Variants in FOCAD observed in about 807,000 individuals in gnomAD.
FOCAD encodes KIAA1797.
A neutral mutation model predicts 225.6 loss-of-function variants in FOCAD; 198 were observed. The observed-to-expected ratio is 0.88, with a 90% CI of 0.78 to 0.99. FOCAD has a LOEUF of 0.99. FOCAD is among the 50% of genes least tolerant of loss of function. The pLI is 0.00. For missense variants in FOCAD, 2,713 were observed against 2,123.6 expected (o/e 1.28, Z -5.46); for synonymous variants, 897 against 755.0 (o/e 1.19, Z -3.08).
chr9:20,862,533 G>A, intron 15 of FOCAD, 45 bp from the exon 16 acceptor site: 2 of 1,598,144 alleles, frequency 1.3e-6, no homozygotes, highest in South Asian at 1.1e-5. Context: ...GCTTCATATA[G>A]GTTGGAGTCT....
chr9:20,917,046 T>C, intron 24 of FOCAD, 109 bp downstream of exon 24: 2 of 796,646 alleles, frequency 2.5e-6, no homozygotes, highest in Non-Finnish European at 3.9e-6. Flanking sequence ...GATTTTAGAG[T>C]ACTTTTCAAT....
At chr9:20,738,324 A>G (rs949588903) in intron 4 of FOCAD, among the ~76,000 whole-genome samples, 1 of 152,216 alleles carries the variant, frequency 6.6e-6, no homozygotes, top group African/African-American at 2.4e-5. Flanking sequence ...GTTTACAAAA[A>G]GATTTCCATT....
chr9:20,971,485 GC>G (rs1839760555), intron 35 of FOCAD, among the ~76,000 whole-genome samples: 1 of 151,526 alleles, frequency 6.6e-6, no homozygotes, highest in Non-Finnish European at 1.5e-5. Context: ...TGTTGCTTAG[GC>G]TGGAGTACAA....
At chr9:20,670,904 G>C (rs1316899493) in intron 2 of FOCAD, among the ~76,000 whole-genome samples, 9 of 152,112 alleles carry the variant, frequency 5.9e-5, no homozygotes, top group Admixed American at 5.2e-4. Context: ...CATTAACTGA[G>C]TTGTACCTCT....
intron 26 of FOCAD, among the ~76,000 whole-genome samples, chr9:20,927,470 G>T (rs372302166): frequency 5.9e-5 from 9 of 151,338 alleles, no homozygotes; most frequent in African/African-American, 2.2e-4. Flanking sequence ...TATACTTTAT[G>T]TAAAAAGTTT....
chr9:20,910,044 A>G (rs1246179517), intron 22 of FOCAD, among the ~76,000 whole-genome samples: 1 of 152,088 alleles, frequency 6.6e-6, no homozygotes, highest in Admixed American at 6.6e-5. Flanking sequence ...TGAGATCTGA[A>G]CACTACTTGT....
intron 35 of FOCAD, among the ~76,000 whole-genome samples, chr9:20,958,565 A>C (rs755775196): frequency 3.9e-5 from 6 of 152,070 alleles, no homozygotes; most frequent in Non-Finnish European, 8.8e-5. Flanking sequence ...CCTCCTAGCT[A>C]CTTGAAACTA....
intron 43 of FOCAD, among the ~76,000 whole-genome samples, chr9:20,995,282 A>G (rs1358316169): frequency 7.2e-5 from 11 of 152,092 alleles, no homozygotes; most frequent in Admixed American, 7.2e-4. Context: ...ATCAAGGAAA[A>G]AAACATCACC....
intron 4 of FOCAD, 26 bp from the exon 5 acceptor site, chr9:20,740,210 A>G (rs776619793): frequency 1.4e-6 from 2 of 1,393,262 alleles, no homozygotes; most frequent in African/African-American, 1.4e-5. Flanking sequence ...TATCTATAAC[A>G]TTTAACATGC....
At chr9:20,815,281 G>A (rs1723126676) in intron 11 of FOCAD, among the ~76,000 whole-genome samples, 1 of 148,822 alleles carries the variant, frequency 6.7e-6, no homozygotes, top group Admixed American at 6.7e-5. Flanking sequence ...TTACAGGCAT[G>A]CACCACCATA....
At chr9:20,884,238 A>G (rs1024901907) in intron 20 of FOCAD, among the ~76,000 whole-genome samples, 2 of 152,204 alleles carry the variant, frequency 1.3e-5, no homozygotes, top group Non-Finnish European at 2.9e-5. Context: ...TAAATTGTAA[A>G]TAATATTTTA....
chr9:20,839,397 T>C (rs1826294782), intron 15 of FOCAD, among the ~76,000 whole-genome samples: 1 of 151,912 alleles, frequency 6.6e-6, no homozygotes, highest in South Asian at 2.1e-4. Context: ...TAGCTGGGAC[T>C]ACAGGTGTGC....
chr9:20,878,865 T>A (rs971038261), intron 19 of FOCAD, among the ~76,000 whole-genome samples: 4 of 152,164 alleles, frequency 2.6e-5, no homozygotes, highest in Non-Finnish European at 4.4e-5. Flanking sequence ...CCCAGGGGGC[T>A]GCTGGTGAAA....
At chr9:20,862,950 C>T (rs1243341269) in intron 16 of FOCAD, 1 of 317,738 alleles carries the variant, frequency 3.1e-6, no homozygotes, top group Non-Finnish European at 5.7e-6. Flanking sequence ...ATTTTAAAGT[C>T]AATATTGTAA....
Position 20,866,975 on chromosome 9 carries a change from G to A in FOCAD, c.2153G>A (p.Ser718Asn). 1.4e-6 allele frequency: 2 copies of A among 1,428,276 alleles called. No individual in the cohort carries two copies. Among genetic ancestry groups the A allele is most frequent in the Non-Finnish European group, 1.9e-6 (2 of 1,070,716 alleles). The allele number at this position is 1,428,276 out of a possible 1,614,324, so 88.5% of individuals were successfully genotyped here. A position where few individuals can be genotyped will look rare whatever the true frequency, so the allele number is the denominator to read the frequency against. ...NAAYRSLANF[S>N]AGEHTILHLP... ...GCATATAGATCCCTGGCCAACTTTA[G>A]TGCAGGAGAACACACCATTCTTCAT... Residue 718 changes from serine to asparagine, a missense_variant, in exon 18 of 44, where the codon AGT becomes AAT. Transcript: ENST00000338382.
rs540199995 is a variant in FOCAD at position 20,916,887 on chromosome 9, T to C, written c.2808-6T>C. ...AACTCTCGTCTATTTTCCATCTTTA[T>C]TGCAGGGTTAGAGACATGCTGACTG... On this transcript the variant is annotated splice_polypyrimidine_tract_variant and splice_region_variant and intron_variant, in intron 23 of 43. Transcript: ENST00000338382. 5 of 1,602,324 alleles carry C rather than the reference T, an allele frequency of 3.1e-6. No homozygotes were observed. The South Asian group carries it at 4.6e-5, about 15-fold the overall frequency.
chr9:20,942,608 G>T (rs1031289992), intron 28 of FOCAD, among the ~76,000 whole-genome samples: 26 of 152,074 alleles, frequency 1.7e-4, no homozygotes, highest in African/African-American at 6.3e-4. Flanking sequence ...TTCCTCTGTA[G>T]ATCTTCTCTC....
At chr9:20,947,159 A>G (rs1278386084) in intron 30 of FOCAD, among the ~76,000 whole-genome samples, 1 of 152,208 alleles carries the variant, frequency 6.6e-6, no homozygotes, top group Non-Finnish European at 1.5e-5. Flanking sequence ...AAAATTTGTG[A>G]CGATATGAAT....
intron 5 of FOCAD, among the ~76,000 whole-genome samples, chr9:20,744,202 C>T (rs982301378): frequency 1.3e-5 from 2 of 152,122 alleles, no homozygotes; most frequent in African/African-American, 4.8e-5. Flanking sequence ...TGAACATCCT[C>T]TTAGAAACTG....
Sources: gnomAD v4.1 joint callset for allele counts (sites outside exome capture counted in the v4.1 genomes callset) on GRCh38, gnomAD v4.1.1 for gene constraint, MANE v1.5 for transcripts, NCBI Gene and HGNC (gene_info 2026-07-23, HGNC 2026-07-21) for gene names.